PCDHA1: variants seen among roughly 807,000 people sequenced by gnomAD.
PCDHA1 encodes the protein protocadherin alpha-1.
In PCDHA1, 42 loss-of-function variants were observed where a neutral mutation model predicts 61.3. The observed-to-expected ratio is 0.69, with a 90% CI of 0.54 to 0.89. The LOEUF (loss-of-function observed/expected upper bound fraction) is 0.89. Among genes scored for constraint, PCDHA1 ranks in the 40% least tolerant of loss-of-function variants. The pLI is 0.00. For missense variants in PCDHA1, 1,256 were observed against 1,235.3 expected (o/e 1.02, Z -0.25); for synonymous variants, 610 against 553.8 (o/e 1.10, Z -1.43).
intron 1 of PCDHA1, among the ~76,000 whole-genome samples, chr5:140,941,764 A>T (rs116374830): frequency 2.0e-5 from 3 of 152,190 alleles, no homozygotes. Flanking sequence ...TGCTTTTAAG[A>T]TAATTGTTTT....
chr5:140,883,627 G>T (rs781902332), intron 1 of PCDHA1: 78 of 1,613,816 alleles, frequency 4.8e-5, no homozygotes, highest in Non-Finnish European at 6.2e-5. Flanking sequence ...ACAACGCGCC[G>T]GCGTTCGCGC....
chr5:140,849,017 C>G, intron 1 of PCDHA1: 1 of 1,588,278 alleles, frequency 6.3e-7, no homozygotes, highest in Non-Finnish European at 8.6e-7. Context: ...GACTGAGCCC[C>G]AATGAGTATT....
At position 140,787,198 on chromosome 5, in the gene PCDHA1, G is replaced by A; in HGVS notation, c.908G>A (p.Arg303Lys). The A allele has an allele frequency of 6.2e-7, 1 of 1,613,988 alleles. No homozygotes were observed. The part of the protein sequence containing the change: ...FKVDSSSGEI[R>K]LIDKLDYEET... ...GTTGATTCCAGCTCAGGAGAAATTA[G>A]GTTAATTGATAAACTGGATTATGAA... Residue 303 changes from arginine to lysine, a missense_variant, in exon 1 of 4, where the codon AGG becomes AAG. Transcript: ENST00000504120.
At chr5:140,804,951 A>G (rs921974921) in intron 1 of PCDHA1, 1 of 1,319,588 alleles carries the variant, frequency 7.6e-7, no homozygotes, top group Non-Finnish European at 1.0e-6. Context: ...TCCCTTGTCC[A>G]TGAAGTAGTA....
chr5:140,919,529 TC>T (rs2079177812), intron 1 of PCDHA1, among the ~76,000 whole-genome samples: 1 of 152,196 alleles, frequency 6.6e-6, no homozygotes. Context: ...TCTCTTTTTT[TC>T]CTATACTTTT....
At chr5:140,883,324 C>A (rs782213205) in intron 1 of PCDHA1, 1 of 1,614,166 alleles carries the variant, frequency 6.2e-7, no homozygotes, top group Non-Finnish European at 8.5e-7. Context: ...AGGTTACCAT[C>A]ACTTCTTTGT....
intron 1 of PCDHA1, among the ~76,000 whole-genome samples, chr5:140,891,360 G>T (rs2063061562): frequency 6.6e-6 from 1 of 151,060 alleles, no homozygotes; most frequent in Admixed American, 6.6e-5. Context: ...CATCACCTGA[G>T]CAGTATACAT....
chr5:140,805,653 A>T (rs1686514834), intron 1 of PCDHA1: 5 of 846,806 alleles, frequency 5.9e-6, no homozygotes, highest in Admixed American at 6.2e-5. Context: ...GGAAGTCTTC[A>T]TTCCCCATTA....
intron 1 of PCDHA1, among the ~76,000 whole-genome samples, chr5:140,918,519 G>A (rs2078736782): frequency 6.6e-6 from 1 of 152,068 alleles, no homozygotes. Flanking sequence ...AACTTATTGA[G>A]GATTGTTTTA....
chr5:140,957,541 A>C (rs2153713960), intron 1 of PCDHA1, among the ~76,000 whole-genome samples: 1 of 152,298 alleles, frequency 6.6e-6, no homozygotes, highest in South Asian at 2.1e-4. Flanking sequence ...GATCTTAGAA[A>C]GTATTCTCTG....
At chr5:140,819,111 C>A (rs1193476646) in intron 1 of PCDHA1, among the ~76,000 whole-genome samples, 1 of 152,090 alleles carries the variant, frequency 6.6e-6, no homozygotes, top group Non-Finnish European at 1.5e-5. Context: ...CTCATGGTAT[C>A]CTTTCTTACT....
At chr5:140,829,818 C>A (rs1554132278) in intron 1 of PCDHA1, 1 of 1,613,864 alleles carries the variant, frequency 6.2e-7, no homozygotes, top group Non-Finnish European at 8.5e-7. Context: ...ACTGGTGGTG[C>A]AGTGAGCGAG....
rs369670852 is a variant in PCDHA1, at chr5:140,928,571, C to G, written c.2395-50378C>G. 1.9e-5 allele frequency: 30 copies of G among 1,614,180 alleles called. 1 individual carries two copies. The African/African-American group carries it at 1.9e-4, about 10-fold the overall frequency. On this transcript the variant is annotated intron_variant, in intron 1 of 3. Transcript: ENST00000504120. ...TATCCGGTTATCTTGTTTCCCTTGC[C>G]CAGAAATGGTTCTGTCCCAGTGGAA...
chr5:140,843,322 G>T (rs1473227460), intron 1 of PCDHA1: 4 of 1,595,938 alleles, frequency 2.5e-6, no homozygotes, highest in Non-Finnish European at 1.7e-6. Context: ...CGGTTCTGGT[G>T]TCGCTGGTGG....
chr5:140,987,149 G>A (rs1380803903), intron 3 of PCDHA1, among the ~76,000 whole-genome samples: 1 of 151,884 alleles, frequency 6.6e-6, no homozygotes, highest in African/African-American at 2.4e-5. Context: ...GGGAGGTGGA[G>A]GTTGCAGTGA....
intron 1 of PCDHA1, chr5:140,830,278 G>T (rs2150184095): frequency 1.9e-6 from 3 of 1,613,832 alleles, no homozygotes; most frequent in East Asian, 4.5e-5. Flanking sequence ...CACCCACCGA[G>T]GGCGCGTGCA....
chr5:140,876,356 T>C, intron 1 of PCDHA1: 1 of 1,613,964 alleles, frequency 6.2e-7, no homozygotes. Flanking sequence ...ATGTTTTCAA[T>C]AAATCCAGAC....
chr5:140,825,224 C>T (rs2150138653), intron 1 of PCDHA1: 2 of 151,236 alleles, frequency 1.3e-5, no homozygotes, highest in South Asian at 4.2e-4. Context: ...ATTTGTTTTT[C>T]TTTTATCTGG....
chr5:140,941,251 CTTTCTCTT>C (rs1456097006), intron 1 of PCDHA1, among the ~76,000 whole-genome samples: 2 of 121,786 alleles, frequency 1.6e-5, no homozygotes, highest in Non-Finnish European at 3.5e-5. Context: ...TTCTTTCTTT[CTTTCTCTT>C]TCTTTCTTTC....
Sources: allele counts gnomAD v4.1 joint callset (sites outside exome capture counted in the v4.1 genomes callset), GRCh38; gene constraint gnomAD v4.1.1; transcripts MANE v1.5; gene names NCBI Gene and HGNC (gene_info 2026-07-23, HGNC 2026-07-21).